Variants in ERC2 observed in about 807,000 individuals in gnomAD.
The protein encoded by ERC2 is ELKS/RAB6-interacting/CAST family member 2.
In ERC2, 42 loss-of-function variants were observed where a neutral mutation model predicts 114.8. That is an observed-to-expected ratio of 0.37 (90% CI 0.29 to 0.47). The LOEUF (loss-of-function observed/expected upper bound fraction) is 0.47, where lower values mean the gene tolerates loss of function less well. Among genes scored for constraint, ERC2 ranks in the 20% least tolerant of loss-of-function variants. ERC2 has a pLI of 0.99. For synonymous variants in ERC2, 454 were observed against 425.5 expected (o/e 1.07, Z -0.82); for missense variants, 939 against 1,150.7 (o/e 0.82, Z 2.66).
At chr3:56,330,091 T>G (rs1380937982) in intron 2 of ERC2, among the ~76,000 whole-genome samples, 1 of 152,018 alleles carries the variant, frequency 6.6e-6, no homozygotes, top group Non-Finnish European at 1.5e-5. Flanking sequence ...AAAGTGCAAG[T>G]GGCAAGCTCT....
At chr3:56,178,754 T>C (rs913784697) in intron 3 of ERC2, among the ~76,000 whole-genome samples, 14 of 152,286 alleles carry the variant, frequency 9.2e-5, no homozygotes, top group Middle Eastern at 3.4e-3. Flanking sequence ...GTTTGTTTTT[T>C]TTTAAATTCC....
intron 17 of ERC2, among the ~76,000 whole-genome samples, chr3:55,565,380 A>T (rs1332191013): frequency 6.6e-6 from 1 of 152,198 alleles, no homozygotes; most frequent in Non-Finnish European, 1.5e-5. Context: ...TAAGTTAAGA[A>T]CATAGTGGCT....
At chr3:55,884,236 T>G (rs2063258256) in intron 14 of ERC2, among the ~76,000 whole-genome samples, 1 of 152,180 alleles carries the variant, frequency 6.6e-6, no homozygotes. Context: ...TATATGACAG[T>G]ATATTGAGTA....
intron 17 of ERC2, among the ~76,000 whole-genome samples, chr3:55,556,633 A>G (rs1371127301): frequency 6.6e-6 from 1 of 152,202 alleles, no homozygotes; most frequent in African/African-American, 2.4e-5. Context: ...ATCTGGAAGG[A>G]TGATGGCTGG....
intron 10 of ERC2, among the ~76,000 whole-genome samples, chr3:55,996,758 C>T (rs1402723391): frequency 6.6e-6 from 1 of 152,210 alleles, no homozygotes; most frequent in Non-Finnish European, 1.5e-5. Context: ...TAAGAGGACT[C>T]TGACCATGGC....
intron 2 of ERC2, among the ~76,000 whole-genome samples, chr3:56,358,059 A>G (rs148666558): frequency 4.5e-4 from 69 of 152,184 alleles, no homozygotes; most frequent in African/African-American, 1.6e-3. Flanking sequence ...TAACAAAGTA[A>G]TCAATCCTTG....
intron 14 of ERC2, among the ~76,000 whole-genome samples, chr3:55,800,960 C>T (rs2071001263): frequency 6.6e-6 from 1 of 152,206 alleles, no homozygotes; most frequent in African/African-American, 2.4e-5. Flanking sequence ...CTCTCTTCTT[C>T]AAGGGTCTGA....
intron 14 of ERC2, among the ~76,000 whole-genome samples, chr3:55,836,866 G>GCTGA (rs1307416359): frequency 6.6e-6 from 1 of 152,104 alleles, no homozygotes; most frequent in African/African-American, 2.4e-5. Flanking sequence ...CTGACAAAGG[G>GCTGA]CTGATATCCA....
At chr3:55,958,604 C>G (rs902611400) in intron 12 of ERC2, among the ~76,000 whole-genome samples, 1 of 152,222 alleles carries the variant, frequency 6.6e-6, no homozygotes, top group African/African-American at 2.4e-5. Flanking sequence ...TGCCTGCAGG[C>G]CCATGCCAAG....
At chr3:55,796,754 A>G (rs2070535586) in intron 14 of ERC2, among the ~76,000 whole-genome samples, 1 of 152,160 alleles carries the variant, frequency 6.6e-6, no homozygotes, top group South Asian at 2.1e-4. Flanking sequence ...TAAAAATTGT[A>G]CTGGAACACA....
At chr3:56,040,736 A>C (rs947671253) in intron 7 of ERC2, among the ~76,000 whole-genome samples, 2 of 144,652 alleles carry the variant, frequency 1.4e-5, no homozygotes, top group Non-Finnish European at 3.0e-5. Context: ...ATATATCTCT[A>C]TATATATAGA....
At chr3:55,631,112 C>T (rs1388705585) in intron 17 of ERC2, among the ~76,000 whole-genome samples, 3 of 151,446 alleles carry the variant, frequency 2.0e-5, no homozygotes, top group African/African-American at 4.9e-5. Context: ...TGGTTTAGTT[C>T]AATACTAGGG....
intron 7 of ERC2, among the ~76,000 whole-genome samples, chr3:56,019,252 C>T (rs1020517379): frequency 6.6e-6 from 1 of 152,108 alleles, no homozygotes; most frequent in South Asian, 2.1e-4. Flanking sequence ...AGAGTATCTC[C>T]CTCCATACAA....
At chr3:56,287,013 A>T (rs754606168) in intron 3 of ERC2, among the ~76,000 whole-genome samples, 1 of 152,198 alleles carries the variant, frequency 6.6e-6, no homozygotes, top group Non-Finnish European at 1.5e-5. Flanking sequence ...TTAGCAGTTC[A>T]CATTGCCTTT....
At chr3:56,157,594 T>C (rs1049879891) in intron 4 of ERC2, among the ~76,000 whole-genome samples, 3 of 152,076 alleles carry the variant, frequency 2.0e-5, no homozygotes, top group Non-Finnish European at 4.4e-5. Context: ...AAAGATTGAG[T>C]GAGGAAGCTC....
chr3:56,204,476 C>CTTTTATTTTA (rs11267334), intron 3 of ERC2, among the ~76,000 whole-genome samples: 40,525 of 132,582 alleles, frequency 0.31, 7,055 homozygotes, highest in South Asian at 0.45. Flanking sequence ...TAATTAGATG[C>CTTTTATTTTA]TTTTATTTTA....
chr3:55,695,952 C>T (rs377320429), intron 16 of ERC2, among the ~76,000 whole-genome samples: 4 of 152,150 alleles, frequency 2.6e-5, no homozygotes, highest in African/African-American at 7.2e-5. Context: ...CCAGGACGCT[C>T]GAAGATAGAG....
chr3:55,750,167 A>C (rs866518254), intron 14 of ERC2, among the ~76,000 whole-genome samples: 18 of 152,028 alleles, frequency 1.2e-4, no homozygotes, highest in African/African-American at 4.1e-4. Flanking sequence ...AAAAGACTTA[A>C]ATTATATAAA....
intron 14 of ERC2, among the ~76,000 whole-genome samples, chr3:55,846,644 A>G (rs1575822101): frequency 6.6e-6 from 1 of 151,798 alleles, no homozygotes; most frequent in Non-Finnish European, 1.5e-5. Flanking sequence ...TTTCTCTGAT[A>G]TAAGTGTTAT....
Sources: gnomAD v4.1 joint callset for allele counts (sites outside exome capture counted in the v4.1 genomes callset) on GRCh38, gnomAD v4.1.1 for gene constraint, MANE v1.5 for transcripts, NCBI Gene and HGNC (gene_info 2026-07-23, HGNC 2026-07-21) for gene names.